The following NKAPD1 variants were observed in gnomAD, a reference collection of about 807,000 sequenced individuals.
NKAPD1 encodes the protein NKAP domain containing 1.
Under a neutral mutation model 30.9 loss-of-function variants are expected in NKAPD1, and 12 were observed. The ratio of observed to expected loss-of-function variants is 0.39; its 90% CI spans 0.25 to 0.63. The LOEUF is 0.63. NKAPD1 is among the 20% of genes least tolerant of loss of function. NKAPD1 has a pLI of 0.51. For synonymous variants in NKAPD1, 91 were observed against 113.6 expected (o/e 0.80, Z 1.26); for missense variants, 311 against 344.5 (o/e 0.90, Z 0.77).
intron 3 of NKAPD1, 92 bp downstream of exon 3, chr11:112,078,407 A>G (rs574319862): frequency 9.7e-7 from 1 of 1,033,622 alleles, no homozygotes; most frequent in East Asian, 2.6e-5. Context: ...TTAAGGATAA[A>G]TTCAGTTCTG....
Position 112,074,785 on chromosome 11 carries a change from C to A in NKAPD1, c.-140C>A. 3.3e-6 allele frequency: 1 copy of A among 304,518 alleles called. No homozygotes were observed. Among genetic ancestry groups the A allele is most frequent in the Non-Finnish European group, 6.0e-6 (1 of 166,454 alleles). The allele number at this position is 304,518 out of a possible 1,614,324, so 18.9% of individuals were successfully genotyped here. A position where few individuals can be genotyped will look rare whatever the true frequency, so the allele number is the denominator to read the frequency against. The stretch of plus-strand genomic sequence containing the variant: ...AACCAGTGGGAAGGCTGCGTTTTCA[C>A]GAAGGACTCGGGTGAAGCTGCAGAG... On this transcript the variant is annotated 5_prime_UTR_variant, in exon 1 of 6. Transcript: ENST00000393047.
In NKAPD1 at chr11:112,082,887, A is replaced by G. The variant is rs141766522; in HGVS notation, c.797A>G (p.Asn266Ser). 261 of 1,613,280 alleles carry G rather than the reference A, an allele frequency of 1.6e-4. No individual in the cohort carries two copies. Among genetic ancestry groups the G allele is most frequent in the Non-Finnish European group, 2.0e-4 (240 of 1,179,902 alleles). Residue 266 changes from asparagine to serine, a missense_variant, in exon 6 of 6, where the codon AAT (asparagine) becomes AGT (serine). Physicochemically the swap from Asn to Ser is conservative, Grantham distance 46. Transcript: ENST00000393047. Reference protein sequence around the residue: ...EKKAHTSVANNEIQERTNKRT... With the variant: ...EKKAHTSVANSEIQERTNKRT... ...AAAGCCCATACCTCTGTAGCCAACAATGAAATACAGGAGAGGACAAACAAA... is the reference window on the plus strand; with the variant it reads ...AAAGCCCATACCTCTGTAGCCAACAGTGAAATACAGGAGAGGACAAACAAA...
At chr11:112,080,895 C>T (rs1865436209) in intron 4 of NKAPD1, 1 of 249,112 alleles carries the variant, frequency 4.0e-6, no homozygotes, top group Non-Finnish European at 7.7e-6. Context: ...TGTACTATGT[C>T]CATACATAAC....
chr11:112,084,358 A>C lies in NKAPD1; in HGVS notation c.*1386A>C, dbSNP rs1865529719. ...CTCTTTACGGGACAGATTTCTAATA[A>C]AGTGCTTGGTCTTAAAATACATGGT... On this transcript the variant is annotated 3_prime_UTR_variant, in exon 6 of 6. Transcript: ENST00000393047. 6.6e-6 allele frequency: 1 copy of C among 152,566 alleles called. No individual in the cohort carries two copies. The highest frequency in any genetic ancestry group is 1.5e-5 in the Non-Finnish European group (1 of 68,034). The allele number at this position is 152,566 out of a possible 1,614,324, so 9.5% of individuals were successfully genotyped here.
intron 3 of NKAPD1, among the ~76,000 whole-genome samples, chr11:112,079,141 A>ATTTTT (rs35305300): frequency 1.7e-5 from 2 of 115,922 alleles, no homozygotes; most frequent in African/African-American, 6.8e-5. Flanking sequence ...GGCCCTTACA[A>ATTTTT]TTTTTTTTTT....
intron 2 of NKAPD1, among the ~76,000 whole-genome samples, chr11:112,077,868 C>G (rs1161690062): frequency 1.4e-5 from 2 of 147,756 alleles, no homozygotes; most frequent in Non-Finnish European, 3.0e-5. Flanking sequence ...TTTGTTGATA[C>G]AGAGTCTCAC....
chr11:112,077,579 T>C (rs888812303), intron 2 of NKAPD1, among the ~76,000 whole-genome samples: 2 of 152,234 alleles, frequency 1.3e-5, no homozygotes, highest in Admixed American at 1.3e-4. Flanking sequence ...TCAATTGAGA[T>C]GATATAATTA....
intron 3 of NKAPD1, 122 bp from the exon 4 acceptor site, chr11:112,080,287 T>TTTA: frequency 1.3e-5 from 11 of 822,402 alleles, no homozygotes; most frequent in South Asian, 5.4e-5. Context: ...TTTTTTTTTT[T>TTTA]AAACAGTATC....
intron 5 of NKAPD1, 193 bp from the exon 6 acceptor site, chr11:112,082,272 T>C: frequency 2.9e-6 from 2 of 685,036 alleles, no homozygotes; most frequent in Non-Finnish European, 4.6e-6. Context: ...TATGGCAGCT[T>C]AGAATTTTTA....
At chr11:112,081,951 T>A in intron 4 of NKAPD1, 31 bp from the exon 5 acceptor site, 1 of 1,588,324 alleles carries the variant, frequency 6.3e-7, no homozygotes, top group Non-Finnish European at 8.6e-7. Context: ...ATGCATTGCT[T>A]TAACAATACA....
chr11:112,081,847 G>A, intron 4 of NKAPD1, 135 bp from the exon 5 acceptor site: 1 of 688,914 alleles, frequency 1.5e-6, no homozygotes, highest in South Asian at 1.5e-5. Flanking sequence ...GCTATAATGG[G>A]GGCTTGGTTC....
At chr11:112,078,136 G>C (rs1242929550) in intron 2 of NKAPD1, 79 bp from the exon 3 acceptor site, 1 of 1,102,412 alleles carries the variant, frequency 9.1e-7, no homozygotes, top group East Asian at 2.7e-5. Flanking sequence ...GAGCCACTGT[G>C]CCCGGCCAGT....
intron 2 of NKAPD1, 83 bp downstream of exon 2, chr11:112,075,726 T>TA: frequency 2.2e-6 from 3 of 1,395,202 alleles, no homozygotes; most frequent in Non-Finnish European, 2.9e-6. Flanking sequence ...AACTGGGAGA[T>TA]ACAAAGAATA....
rs1008126831 is a variant in NKAPD1 at position 112,082,259 on chromosome 11, C to T, written c.375-206C>T. 5 of 658,300 alleles carry T rather than the reference C, an allele frequency of 7.6e-6. No individual in the cohort carries two copies. In the African/African-American group the frequency reaches 9.2e-5, roughly 12 times the overall value. 40.8% of individuals were successfully genotyped at this position (658,300 alleles called of 1,614,324 possible). ...ATATATAGTATTCCATACAGTAACTCAGTATGGCAGCTTAGAATTTTTACC... is the reference window on the plus strand; with the variant it reads ...ATATATAGTATTCCATACAGTAACTTAGTATGGCAGCTTAGAATTTTTACC... On this transcript the variant is annotated intron_variant, in intron 5 of 5. Transcript: ENST00000393047.
Position 112,074,443 on chromosome 11 carries a change from G to T in NKAPD1, c.-482G>T. 2.5e-6 allele frequency: 1 copy of T among 399,268 alleles called. No homozygotes were observed. The highest frequency in any genetic ancestry group is 4.4e-6 in the Non-Finnish European group (1 of 226,222). 24.7% of individuals were successfully genotyped at this position (399,268 alleles called of 1,614,324 possible). Reference sequence around the variant, plus strand: ...AGCTCCGAGGCCGCTGGGGAACAGGGATCCCGGTGACAAAGATGGGGATAT... The same window carrying T: ...AGCTCCGAGGCCGCTGGGGAACAGGTATCCCGGTGACAAAGATGGGGATAT... On this transcript the variant is annotated 5_prime_UTR_variant, in exon 1 of 6. Transcript: ENST00000393047.
chr11:112,079,759 C>G (rs1433136506), intron 3 of NKAPD1, among the ~76,000 whole-genome samples: 2 of 152,048 alleles, frequency 1.3e-5, no homozygotes, highest in Admixed American at 6.5e-5. Context: ...TTGATTTCAT[C>G]TCTCTATGCT....
Position 112,075,638 on chromosome 11 carries a change from A to G in NKAPD1, c.64A>G (p.Asn22Asp). ...TGTCATCCGGCACACAGATGCTCAC[A>G]ATAAGGTGGGAGGTACAACCTAGTT... ...RNVIRHTDAH[N>D]KIQEESDMWK... is the part of the protein sequence containing the mutation. Residue 22 changes from asparagine to aspartate, a missense_variant, in exon 2 of 6, where the codon AAT (asparagine) becomes GAT (aspartate). Transcript: ENST00000393047. The G allele has an allele frequency of 6.2e-7, 1 of 1,608,250 alleles. No individual in the cohort carries two copies. Among genetic ancestry groups the G allele is most frequent in the Middle Eastern group, 1.7e-4 (1 of 6,054 alleles).
rs377091190 is a variant in NKAPD1, at chr11:112,083,220, C to A, written c.*248C>A. 5 of 377,188 alleles carry A rather than the reference C, an allele frequency of 1.3e-5. No individual in the cohort carries two copies. Among genetic ancestry groups the A allele is most frequent in the Admixed American group, 8.4e-5 (2 of 23,722 alleles). 23.4% of individuals were successfully genotyped at this position (377,188 alleles called of 1,614,324 possible). On this transcript the variant is annotated 3_prime_UTR_variant, in exon 6 of 6. Coordinates refer to ENST00000393047, the MANE Select transcript of NKAPD1 (RefSeq NM_018195.4). ...GATTATTTTTTTTTGCAATTAATTACGTTTAGTGTAGAGTGCATATACAGC... is the reference window on the plus strand; with the variant it reads ...GATTATTTTTTTTTGCAATTAATTAAGTTTAGTGTAGAGTGCATATACAGC...
chr11:112,080,543 C>T lies in NKAPD1; in HGVS notation c.305C>T (p.Ala102Val), dbSNP rs761871136. ...AATAAAAAGTTCTATGATTATGAAGCAAACATGCCAGACAGGTTTGTGATT... is the reference window on the plus strand; with the variant it reads ...AATAAAAAGTTCTATGATTATGAAGTAAACATGCCAGACAGGTTTGTGATT... ...SWNKKFYDYE[A>V]NMPDRWGHSG... Residue 102 changes from alanine to valine, a missense_variant, in exon 4 of 6, where the codon GCA becomes GTA. Physicochemically the swap from Ala to Val is moderately conservative, Grantham distance 64. Transcript: ENST00000393047. 1.9e-5 allele frequency: 30 copies of T among 1,613,562 alleles called. No individual in the cohort carries two copies. The South Asian group carries it at 3.1e-4, about 17-fold the overall frequency.
Sources: allele counts gnomAD v4.1 joint callset (sites outside exome capture counted in the v4.1 genomes callset), GRCh38; gene constraint gnomAD v4.1.1; transcripts MANE v1.5; gene names NCBI Gene and HGNC (gene_info 2026-07-23, HGNC 2026-07-21).